Variants in SLC8A1 observed in about 807,000 individuals in gnomAD.
SLC8A1 encodes the protein sodium/calcium exchanger 1.
Under a neutral mutation model 68.3 loss-of-function variants are expected in SLC8A1, and 18 were observed. The ratio of observed to expected loss-of-function variants is 0.26; its 90% CI spans 0.18 to 0.39. The LOEUF (loss-of-function observed/expected upper bound fraction) is 0.39, where lower values mean the gene tolerates loss of function less well. Among genes scored for constraint, SLC8A1 ranks in the 10% least tolerant of loss-of-function variants. The pLI, the probability that SLC8A1 is intolerant of heterozygous loss-of-function variation, is 1.00. For missense variants in SLC8A1, 985 were observed against 1,156.7 expected, an observed-to-expected ratio of 0.85 and a Z score of 2.15; for synonymous variants, 475 against 415.5, an observed-to-expected ratio of 1.14 and a Z score of -1.74.
At chr2:40,165,084 T>A in intron 4 of SLC8A1, 100 bp from the exon 8 acceptor site, 1 of 1,490,048 alleles carries the variant, frequency 6.7e-7, no homozygotes, top group Admixed American at 1.7e-5. Context: ...GAAGCCCTAA[T>A]GACCTACTAA....
At chr2:40,207,333 A>G (rs1265056435) in intron 2 of SLC8A1, among the ~76,000 whole-genome samples, 1 of 151,992 alleles carries the variant, frequency 6.6e-6, no homozygotes, top group Admixed American at 6.6e-5. Flanking sequence ...GTGTGATTTT[A>G]TCCTTTTACA....
At chr2:40,483,033 T>G (rs1224499777) in intron 1 of SLC8A1, among the ~76,000 whole-genome samples, 2 of 150,096 alleles carry the variant, frequency 1.3e-5, no homozygotes, top group Non-Finnish European at 3.0e-5. Flanking sequence ...CTCAATCTCC[T>G]CACCTCGTGA....
At chr2:40,383,198 G>T (rs1256037744) in intron 2 of SLC8A1, among the ~76,000 whole-genome samples, 2 of 152,022 alleles carry the variant, frequency 1.3e-5, no homozygotes, top group Non-Finnish European at 2.9e-5. Context: ...ATAAATCATG[G>T]AGCAAAGTTT....
chr2:40,358,161 A>G (rs1179900599), intron 2 of SLC8A1, among the ~76,000 whole-genome samples: 1 of 151,856 alleles, frequency 6.6e-6, no homozygotes, highest in Non-Finnish European at 1.5e-5. Context: ...CCATCCACTC[A>G]TCCACCCATT....
At chr2:40,336,828 T>C (rs1478591144) in intron 2 of SLC8A1, among the ~76,000 whole-genome samples, 1 of 152,184 alleles carries the variant, frequency 6.6e-6, no homozygotes, top group Non-Finnish European at 1.5e-5. Context: ...AGATGTCACA[T>C]GGAATCTTGA....
chr2:40,368,149 A>T (rs1027074323), intron 2 of SLC8A1, among the ~76,000 whole-genome samples: 40 of 152,192 alleles, frequency 2.6e-4, no homozygotes, highest in African/African-American at 9.4e-4. Context: ...AAAGATACTA[A>T]GGATAAATCC....
At chr2:40,350,154 T>TAA (rs1036704995) in intron 2 of SLC8A1, among the ~76,000 whole-genome samples, 1 of 152,180 alleles carries the variant, frequency 6.6e-6, no homozygotes, top group African/African-American at 2.4e-5. Context: ...CCATTTGATC[T>TAA]AAACAACTCA....
intron 2 of SLC8A1, 58 bp downstream of exon 2, chr2:40,428,415 A>T: frequency 7.1e-7 from 1 of 1,401,170 alleles, no homozygotes; most frequent in African/African-American, 2.0e-5. Context: ...ATTCATAAAC[A>T]CACTGAACCA....
At chr2:40,365,171 G>A (rs34408472) in intron 2 of SLC8A1, among the ~76,000 whole-genome samples, 15,349 of 151,722 alleles carry the variant, frequency 0.1, 893 homozygotes, top group East Asian at 0.19. Context: ...GAAAACCACA[G>A]GGTAGGCAGG....
At chr2:40,307,432 A>G (rs2072864241) in intron 2 of SLC8A1, among the ~76,000 whole-genome samples, 1 of 152,152 alleles carries the variant, frequency 6.6e-6, no homozygotes, top group African/African-American at 2.4e-5. Flanking sequence ...TTAATTTTGT[A>G]AGACAAAAAA....
intron 3 of SLC8A1, chr2:40,175,969 T>C (rs1462147889): frequency 4.4e-6 from 2 of 450,694 alleles, no homozygotes; most frequent in East Asian, 7.1e-5. Flanking sequence ...TGTACATTAT[T>C]AGATAACCAG....
At chr2:40,242,099 GT>G (rs2061300645) in intron 2 of SLC8A1, among the ~76,000 whole-genome samples, 1 of 151,964 alleles carries the variant, frequency 6.6e-6, no homozygotes, top group Admixed American at 6.6e-5. Context: ...GTTATATAAA[GT>G]GGTAACGCCT....
intron 2 of SLC8A1, among the ~76,000 whole-genome samples, chr2:40,277,840 T>C (rs573307684): frequency 7.6e-6 from 1 of 132,208 alleles, no homozygotes; most frequent in African/African-American, 2.9e-5. Flanking sequence ...ATTTGTAACA[T>C]ATGGTTGCTT....
exon 8 of SLC8A1, chr2:40,110,814 T>C (rs1484054285): frequency 2.0e-5 from 3 of 152,180 alleles, no homozygotes; most frequent in African/African-American, 7.2e-5. Context: ...GGGGCTGATT[T>C]ATTCTCTTGA....
At chr2:40,497,959 C>A (rs1481890573) in intron 1 of SLC8A1, among the ~76,000 whole-genome samples, 2 of 151,972 alleles carry the variant, frequency 1.3e-5, no homozygotes, top group East Asian at 1.9e-4. Flanking sequence ...ATTGCAATAA[C>A]TTATGTAATA....
rs564433110 is a variant in SLC8A1 at position 40,186,612 on chromosome 2, T to C, written c.1809-8757A>G. 6.6e-5 allele frequency among the ~76,000 whole-genome samples: 10 copies of C among 152,298 alleles called. No individual in the cohort carries two copies. In the East Asian group the frequency reaches 1.7e-3, roughly 26 times the overall value. ...TTGGGCATGGATTCATTTGGGGGGA[T>C]AGTCATAAAAACAGGACTGAATCAT... On this transcript the variant is annotated intron_variant, in intron 2 of 7. Coordinates refer to ENST00000406785, the Ensembl canonical transcript of SLC8A1.
At chr2:40,296,141 T>C (rs1466703094) in intron 2 of SLC8A1, among the ~76,000 whole-genome samples, 1 of 152,194 alleles carries the variant, frequency 6.6e-6, no homozygotes, top group Non-Finnish European at 1.5e-5. Context: ...TTAATTCATT[T>C]AGTTGGATCT....
At chr2:40,145,041 T>C (rs2042196195) in intron 6 of SLC8A1, among the ~76,000 whole-genome samples, 2 of 152,210 alleles carry the variant, frequency 1.3e-5, no homozygotes, top group African/African-American at 4.8e-5. Flanking sequence ...TCTGCTATTT[T>C]GTATCCTTTG....
At chr2:40,363,519 T>C (rs112001143) in intron 2 of SLC8A1, among the ~76,000 whole-genome samples, 5 of 152,230 alleles carry the variant, frequency 3.3e-5, no homozygotes, top group African/African-American at 9.6e-5. Context: ...GGTAAATGAT[T>C]AAAAACAAAA....
Sources: gnomAD v4.1 joint callset for allele counts (sites outside exome capture counted in the v4.1 genomes callset) on GRCh38, gnomAD v4.1.1 for gene constraint, MANE v1.5 for transcripts, NCBI Gene and HGNC (gene_info 2026-07-23, HGNC 2026-07-21) for gene names.